The following SLC6A11 variants were observed in gnomAD, a reference collection of about 807,000 sequenced individuals.
The protein encoded by SLC6A11 is solute carrier family 6 member 11.
Under a neutral mutation model 74.8 loss-of-function variants are expected in SLC6A11, and 25 were observed. The observed-to-expected ratio is 0.33, with a 90% confidence interval of 0.24 to 0.47. The LOEUF is 0.47. SLC6A11 is among the 20% of genes least tolerant of loss of function. SLC6A11 has a pLI of 1.00. For synonymous variants in SLC6A11, 330 were observed against 330.2 expected (o/e 1.00, Z 0.01); for missense variants, 574 against 837.0 (o/e 0.69, Z 3.88).
intron 5 of SLC6A11, among the ~76,000 whole-genome samples, chr3:10,845,238 A>T (rs1314880340): frequency 6.6e-6 from 1 of 152,180 alleles, no homozygotes; most frequent in Non-Finnish European, 1.5e-5. Context: ...TTGCCTGCCC[A>T]CACAGTGGCA....
intron 6 of SLC6A11, among the ~76,000 whole-genome samples, chr3:10,900,499 T>C (rs1029762828): frequency 2.0e-5 from 3 of 152,248 alleles, no homozygotes; most frequent in Admixed American, 6.5e-5. Context: ...CTTATTTCTC[T>C]ATCTGCAGCC....
chr3:10,888,259 A>G (rs1195117705), intron 6 of SLC6A11, among the ~76,000 whole-genome samples: 1 of 152,180 alleles, frequency 6.6e-6, no homozygotes, highest in Admixed American at 6.5e-5. Flanking sequence ...CAGATTTGTT[A>G]AGGTTAGGTG....
At chr3:10,879,564 G>A (rs1050833551) in intron 6 of SLC6A11, among the ~76,000 whole-genome samples, 18 of 152,152 alleles carry the variant, frequency 1.2e-4, no homozygotes, top group Non-Finnish European at 2.4e-4. Flanking sequence ...GGTTGCACCC[G>A]CCTGCCCCAG....
In SLC6A11 at chr3:10,899,972, C is replaced by G. The variant is rs908642185; in HGVS notation, c.892-12118C>G. Among the ~76,000 whole-genome samples the G allele has an allele frequency of 5.9e-5, 9 of 152,334 alleles. No individual in the cohort carries two copies. The East Asian group carries it at 1.5e-3, about 26-fold the overall frequency. ...TCTCTTGCAGGTTTCTGCTCGCTCA[C>G]TATGTCTGACAGGTGGTGGATGTCT... On this transcript the variant is annotated intron_variant, in intron 6 of 13. Coordinates refer to ENST00000254488, the MANE Select transcript of SLC6A11 (RefSeq NM_014229.3).
In SLC6A11 at chr3:10,938,272, C is replaced by G. The variant is rs1246220946; in HGVS notation, c.1769C>G (p.Pro590Arg). Reference sequence around the variant, plus strand: ...CAGAAACTCCAGAAGTTGACGACCCCCAGCACAGATCTGAAAATGCGGGGC... The same window carrying G: ...CAGAAACTCCAGAAGTTGACGACCCGCAGCACAGATCTGAAAATGCGGGGC... ...LPEKLQKLTT[P>R]STDLKMRGKL... Residue 590 changes from proline to arginine, a missense_variant, in exon 14 of 14, where the codon CCC (proline) becomes CGC (arginine). By Grantham distance (103) the Pro-to-Arg change is moderately radical (BLOSUM62 -2). Coordinates refer to ENST00000254488, the MANE Select transcript of SLC6A11 (RefSeq NM_014229.3). The G allele has an allele frequency of 6.2e-7, 1 of 1,610,540 alleles. No homozygotes were observed. Among genetic ancestry groups the G allele is most frequent in the Non-Finnish European group, 8.5e-7 (1 of 1,177,678 alleles).
At chr3:10,883,112 C>T (rs1191431867) in intron 6 of SLC6A11, among the ~76,000 whole-genome samples, 4 of 152,188 alleles carry the variant, frequency 2.6e-5, no homozygotes, top group Admixed American at 2.6e-4. Context: ...ATTGTGGATC[C>T]AGTAAATTAA....
intron 1 of SLC6A11, among the ~76,000 whole-genome samples, chr3:10,818,358 A>T (rs1694091933): frequency 6.6e-6 from 1 of 152,216 alleles, no homozygotes; most frequent in African/African-American, 2.4e-5. Context: ...AGATCCTCTT[A>T]TCTCCTTTTC....
chr3:10,906,591 A>G (rs3821765), intron 6 of SLC6A11, among the ~76,000 whole-genome samples: 6,927 of 152,302 alleles, frequency 0.045, 224 homozygotes, highest in East Asian at 0.085. Flanking sequence ...GAGGGGGTCT[A>G]TGCAGTCTCT....
intron 6 of SLC6A11, among the ~76,000 whole-genome samples, chr3:10,880,916 G>T (rs537473109): frequency 1.3e-5 from 2 of 152,318 alleles, no homozygotes; most frequent in South Asian, 2.1e-4. Flanking sequence ...TCCCCAGGGA[G>T]CATGCAGTCT....
intron 5 of SLC6A11, among the ~76,000 whole-genome samples, chr3:10,855,163 C>G (rs9826851): frequency 0.66 from 100,835 of 151,986 alleles, 35,390 homozygotes; most frequent in African/African-American, 0.89. Flanking sequence ...TGATATGCTT[C>G]AGAACACACA....
chr3:10,848,566 C>T (rs757843469), intron 5 of SLC6A11, among the ~76,000 whole-genome samples: 1 of 152,194 alleles, frequency 6.6e-6, no homozygotes, highest in Non-Finnish European at 1.5e-5. Flanking sequence ...AAGATGCCTG[C>T]CACTAACTGT....
intron 5 of SLC6A11, among the ~76,000 whole-genome samples, chr3:10,871,917 T>G (rs1694832381): frequency 6.6e-6 from 1 of 152,212 alleles, no homozygotes. Context: ...AGACATTGTC[T>G]GAATAAAATA....
intron 7 of SLC6A11, among the ~76,000 whole-genome samples, chr3:10,916,302 G>C (rs1275156301): frequency 6.6e-6 from 1 of 152,198 alleles, no homozygotes; most frequent in Non-Finnish European, 1.5e-5. Context: ...AGTACCAGAA[G>C]AGTTATTTGA....
chr3:10,841,630 C>T (rs1476555722), intron 4 of SLC6A11, among the ~76,000 whole-genome samples: 2 of 152,180 alleles, frequency 1.3e-5, no homozygotes, highest in Non-Finnish European at 1.5e-5. Flanking sequence ...GAGAGGGTGC[C>T]GGAGCAGGCT....
At chr3:10,881,197 C>T (rs1275969960) in intron 6 of SLC6A11, among the ~76,000 whole-genome samples, 1 of 152,154 alleles carries the variant, frequency 6.6e-6, no homozygotes, top group Non-Finnish European at 1.5e-5. Context: ...AGGCAGATCA[C>T]TTGAAGTTGG....
chr3:10,873,404 C>CCTATCCTATCCTATG (rs1694852812), intron 5 of SLC6A11, among the ~76,000 whole-genome samples: 1 of 112,288 alleles, frequency 8.9e-6, no homozygotes, highest in East Asian at 3.1e-4. Flanking sequence ...CCTATGCTAT[C>CCTATCCTATCCTATG]CTATCCTATC....
At chr3:10,932,594 G>C (rs1018002450) in intron 10 of SLC6A11, among the ~76,000 whole-genome samples, 15 of 152,206 alleles carry the variant, frequency 9.9e-5, no homozygotes, top group African/African-American at 3.4e-4. Context: ...AGCATGTGTA[G>C]AGGCACAGAG....
intron 9 of SLC6A11, among the ~76,000 whole-genome samples, chr3:10,928,503 A>T (rs1695639305): frequency 6.6e-6 from 1 of 152,112 alleles, no homozygotes; most frequent in Non-Finnish European, 1.5e-5. Flanking sequence ...CTGGCTGTTA[A>T]TGGGTGGGTA....
intron 6 of SLC6A11, among the ~76,000 whole-genome samples, chr3:10,884,899 CT>C (rs1695024720): frequency 6.6e-6 from 1 of 152,212 alleles, no homozygotes; most frequent in Non-Finnish European, 1.5e-5. Context: ...ATTATTCTTT[CT>C]TCACTTATCT....
Sources: gnomAD v4.1 joint callset for allele counts (sites outside exome capture counted in the v4.1 genomes callset) on GRCh38, gnomAD v4.1.1 for gene constraint, MANE v1.5 for transcripts, NCBI Gene and HGNC (gene_info 2026-07-23, HGNC 2026-07-21) for gene names.